GSPT1: variants seen among roughly 807,000 people sequenced by gnomAD.
GSPT1 encodes eukaryotic peptide chain release factor GTP-binding subunit ERF3A.
In GSPT1, 20 loss-of-function variants were observed where a neutral mutation model predicts 72.5. The ratio of observed to expected loss-of-function variants is 0.28; its 90% CI spans 0.19 to 0.40. GSPT1 has a LOEUF of 0.40. Among genes scored for constraint, GSPT1 ranks in the 10% least tolerant of loss-of-function variants. The pLI is 1.00. For synonymous variants in GSPT1, 334 were observed against 293.5 expected (o/e 1.14, Z -1.41); for missense variants, 580 against 811.9 (o/e 0.71, Z 3.47).
At position 11,915,724 on chromosome 16, in the gene GSPT1, C is replaced by T. The variant is rs375631610; in HGVS notation, c.-4G>A. 9.4e-5 allele frequency: 143 copies of T among 1,514,116 alleles called. 1 individual carries two copies. The East Asian group carries it at 2.4e-3, about 25-fold the overall frequency. 93.8% of individuals were successfully genotyped at this position (1,514,116 alleles called of 1,614,324 possible). A position where few individuals can be genotyped will look rare whatever the true frequency, so the allele number is the denominator to read the frequency against. ...CGCCGCCACTGCCCGGATCCATGATCGGGGGGGCCGTGTGTGTGGTGGACA... is the reference window on the plus strand; with the variant it reads ...CGCCGCCACTGCCCGGATCCATGATTGGGGGGGCCGTGTGTGTGGTGGACA... On this transcript the variant is annotated 5_prime_UTR_variant, in exon 1 of 15. Coordinates refer to ENST00000434724, the MANE Select transcript of GSPT1 (RefSeq NM_002094.4).
chr16:11,913,365 AT>A lies in GSPT1; in HGVS notation c.352+2003del, dbSNP rs2054584605. On this transcript the variant is annotated intron_variant, in intron 1 of 14. Transcript: ENST00000434724. ...TCGGTAACACCAAAATAGTTTTTTG[AT>A]TAAAAACAAGAAAGTTGACCATGCT... is the stretch of plus-strand genomic sequence containing the variant. 4.6e-5 allele frequency among the ~76,000 whole-genome samples: 7 copies of A among 152,346 alleles called. No homozygotes were observed. In the South Asian group the frequency reaches 1.2e-3, roughly 27 times the overall value.
intron 1 of GSPT1, among the ~76,000 whole-genome samples, chr16:11,906,524 T>C (rs562878354): frequency 8.5e-5 from 13 of 152,106 alleles, no homozygotes; most frequent in African/African-American, 3.1e-4. Context: ...GTCCCAGCTA[T>C]TTAGGAGGCT....
intron 9 of GSPT1, among the ~76,000 whole-genome samples, chr16:11,885,867 G>A (rs973686124): frequency 2.6e-5 from 4 of 152,072 alleles, no homozygotes; most frequent in African/African-American, 9.7e-5. Flanking sequence ...CTCCAGCCTG[G>A]TTAACAGAGT....
At chr16:11,892,528 A>AAAAAAAAAAAAAAAAAAAAAAAAG (rs2054278883) in intron 5 of GSPT1, among the ~76,000 whole-genome samples, 1 of 147,868 alleles carries the variant, frequency 6.8e-6, no homozygotes, top group South Asian at 2.1e-4. Context: ...AAAAACAAAA[A>AAAAAAAAAAAAAAAAAAAAAAAAG]AAACAAAAAA....
chr16:11,894,564 G>C (rs982348324), intron 5 of GSPT1, among the ~76,000 whole-genome samples: 3 of 152,116 alleles, frequency 2.0e-5, no homozygotes, highest in African/African-American at 7.2e-5. Flanking sequence ...CTAGAGTTCT[G>C]TGTTCATTTT....
At chr16:11,882,718 G>A (rs2141281443) in intron 11 of GSPT1, 1 of 242,198 alleles carries the variant, frequency 4.1e-6, no homozygotes, top group East Asian at 8.2e-5. Context: ...ACTTTGGGAG[G>A]CCAAGATGGG....
chr16:11,872,930 T>C lies in GSPT1; in HGVS notation c.*189A>G, dbSNP rs544763498. The C allele has an allele frequency of 2.1e-5, 10 of 477,376 alleles. No individual in the cohort carries two copies. The East Asian group carries it at 3.0e-4, about 14-fold the overall frequency. 29.6% of individuals were successfully genotyped at this position (477,376 alleles called of 1,614,324 possible). On this transcript the variant is annotated 3_prime_UTR_variant, in exon 15 of 15. Transcript: ENST00000434724. Reference sequence around the variant, plus strand: ...CTAGGGACAGGAATCTTGGGAAAAATTCAACAGTGGCATAGCAGAGCTCTC... The same window carrying C: ...CTAGGGACAGGAATCTTGGGAAAAACTCAACAGTGGCATAGCAGAGCTCTC...
At chr16:11,894,400 A>G (rs1309377976) in intron 5 of GSPT1, among the ~76,000 whole-genome samples, 1 of 151,980 alleles carries the variant, frequency 6.6e-6, no homozygotes, top group African/African-American at 2.4e-5. Context: ...TTATCTTAGC[A>G]TTTTAGCTAG....
At position 11,896,643 on chromosome 16, in the gene GSPT1, C is replaced by G; in HGVS notation, c.579G>C (p.Glu193Asp). Residue 193 changes from glutamate (E) to aspartate (D), a missense_variant, in exon 4 of 15, where the codon GAG becomes GAC. By Grantham distance (45) the Glu-to-Asp change is conservative (BLOSUM62 2). Transcript: ENST00000434724. The part of the protein sequence containing the change: ...ESAHEMMEEE[E>D]EIPKPKSVVA... ...CCACAGACTTAGGTTTTGGGATTTCCTCTTCCTCCTCCATCATTTCATGGG... is the reference window on the plus strand; with the variant it reads ...CCACAGACTTAGGTTTTGGGATTTCGTCTTCCTCCTCCATCATTTCATGGG... 11 of 1,609,582 alleles carry G rather than the reference C, an allele frequency of 6.8e-6. No homozygotes were observed. Among genetic ancestry groups the G allele is most frequent in the Non-Finnish European group, 9.3e-6 (11 of 1,177,842 alleles).
intron 1 of GSPT1, among the ~76,000 whole-genome samples, chr16:11,907,287 C>A (rs968542828): frequency 2.0e-5 from 3 of 152,182 alleles, no homozygotes; most frequent in Non-Finnish European, 4.4e-5. Flanking sequence ...CTAGCAGTCA[C>A]TACTAGAATA....
At chr16:11,879,094 T>A (rs556656035) in intron 11 of GSPT1, among the ~76,000 whole-genome samples, 1,398 of 34,222 alleles carry the variant, frequency 0.041, 13 homozygotes, top group African/African-American at 0.044. Flanking sequence ...TAAAAAATAA[T>A]AATAATAATA....
At chr16:11,898,462 T>TTTTA (rs2054367299) in intron 1 of GSPT1, among the ~76,000 whole-genome samples, 1 of 117,446 alleles carries the variant, frequency 8.5e-6, no homozygotes, top group African/African-American at 3.3e-5. Context: ...TTTTTTTTTT[T>TTTTA]GAGACTGAGT....
At chr16:11,915,170 C>T in intron 1 of GSPT1, 199 bp downstream of exon 1, 1 of 1,035,356 alleles carries the variant, frequency 9.7e-7, no homozygotes, top group Non-Finnish European at 1.2e-6. Flanking sequence ...CCGCTGTCCG[C>T]TCCCCGCCCG....
rs140116091 is a variant in GSPT1 at position 11,895,035 on chromosome 16, A to G, written c.665-48T>C. On this transcript the variant is annotated intron_variant, in intron 4 of 14. Coordinates refer to ENST00000434724, the MANE Select transcript of GSPT1 (RefSeq NM_002094.4). ...AACCATAGGTTAAAACCAAAAACCA[A>G]TGGCTAAATATGCAAACAACAGCAC... The G allele has an allele frequency of 3.0e-4, 342 of 1,151,204 alleles. 3 individuals are homozygous for G. In the African/African-American group the frequency reaches 4.5e-3, roughly 15 times the overall value. The allele number at this position is 1,151,204 out of a possible 1,614,324, so 71.3% of individuals were successfully genotyped here.
rs1217262046 is a variant in GSPT1, at chr16:11,915,559, G to GGCC, written c.159_161dup (p.Ala54dup). ...CGCTGAGGTTCTCCCGCTGGGCCTC[G>GGCC]GCCGCCGCCGCCAGGGAGCCGCCGC... On this transcript the variant is annotated inframe_insertion, in exon 1 of 15. Coordinates refer to ENST00000434724, the MANE Select transcript of GSPT1 (RefSeq NM_002094.4). 2.0e-6 allele frequency: 3 copies of GGCC among 1,492,840 alleles called. No homozygotes were observed. Among genetic ancestry groups the GGCC allele is most frequent in the Middle Eastern group, 1.8e-4 (1 of 5,648 alleles). 92.5% of individuals were successfully genotyped at this position (1,492,840 alleles called of 1,614,324 possible). A position where few individuals can be genotyped will look rare whatever the true frequency, so the allele number is the denominator to read the frequency against.
At chr16:11,913,003 G>A (rs2054579530) in intron 1 of GSPT1, among the ~76,000 whole-genome samples, 1 of 152,154 alleles carries the variant, frequency 6.6e-6, no homozygotes. Context: ...AACACACCCA[G>A]CACAAATTTC....
intron 5 of GSPT1, among the ~76,000 whole-genome samples, chr16:11,894,254 A>C (rs957371613): frequency 6.6e-6 from 1 of 150,718 alleles, no homozygotes; most frequent in Non-Finnish European, 1.5e-5. Flanking sequence ...AGTTCAAAGA[A>C]ATGGGTCTAA....
intron 1 of GSPT1, among the ~76,000 whole-genome samples, chr16:11,904,341 T>A (rs956745857): frequency 6.6e-6 from 1 of 152,164 alleles, no homozygotes; most frequent in African/African-American, 2.4e-5. Flanking sequence ...TAGCTGGGAC[T>A]ACAGGCGCGC....
rs1274649809 is a variant in GSPT1, at chr16:11,870,978, CTT to C, written c.*2139_*2140del. On this transcript the variant is annotated 3_prime_UTR_variant, in exon 15 of 15. Coordinates refer to ENST00000434724, the MANE Select transcript of GSPT1 (RefSeq NM_002094.4). Reference sequence around the variant, plus strand: ...ATGTGTTCTATTTAGAAAGGGAACTCTTATCTCTGGAAGTGATTTCCGTGGCT... The same window carrying C: ...ATGTGTTCTATTTAGAAAGGGAACTCATCTCTGGAAGTGATTTCCGTGGCT... The C allele has an allele frequency of 3.3e-5, 5 of 152,164 alleles. No homozygotes were observed. The highest frequency in any genetic ancestry group is 4.8e-5 in the African/African-American group (2 of 41,446). 9.4% of individuals were successfully genotyped at this position (152,164 alleles called of 1,614,324 possible). A position where few individuals can be genotyped will look rare whatever the true frequency, so the allele number is the denominator to read the frequency against.
Sources: gnomAD v4.1 joint callset for allele counts (sites outside exome capture counted in the v4.1 genomes callset) on GRCh38, gnomAD v4.1.1 for gene constraint, MANE v1.5 for transcripts, NCBI Gene and HGNC (gene_info 2026-07-23, HGNC 2026-07-21) for gene names.